The following STAG1 variants were observed in gnomAD, a reference collection of about 807,000 sequenced individuals.
STAG1 encodes the protein cohesin subunit SA-1.
Under a neutral mutation model 170.9 loss-of-function variants are expected in STAG1, and 26 were observed. The observed-to-expected ratio is 0.15, with a 90% CI of 0.11 to 0.21. The LOEUF is 0.21. Ranked by LOEUF, STAG1 falls within the 10% of genes least tolerant of loss-of-function variation. The probability of loss-of-function intolerance (pLI) is 1.00; values close to 1 mark genes in which losing one functional copy is unlikely to be tolerated. For missense variants in STAG1, 964 were observed against 1,509.5 expected (o/e 0.64, Z 5.99); for synonymous variants, 514 against 497.7 (o/e 1.03, Z -0.44).
intron 26 of STAG1, among the ~76,000 whole-genome samples, chr3:136,360,204 C>T (rs1203283837): frequency 6.6e-6 from 1 of 152,158 alleles, no homozygotes; most frequent in Non-Finnish European, 1.5e-5. Context: ...ACCTTTCCTC[C>T]TGTTATGAGG....
intron 4 of STAG1, among the ~76,000 whole-genome samples, chr3:136,598,497 G>C (rs1045959560): frequency 5.9e-5 from 9 of 151,532 alleles, no homozygotes; most frequent in Non-Finnish European, 1.2e-4. Context: ...CGCAATCTCG[G>C]CTCACTGCAA....
intron 1 of STAG1, among the ~76,000 whole-genome samples, chr3:136,657,189 C>CTTT (rs67826395): frequency 4.9e-3 from 454 of 92,196 alleles, no homozygotes; most frequent in Non-Finnish European, 6.3e-3. Flanking sequence ...TTCTTTCTTT[C>CTTT]TTTTTTTTTT....
At chr3:136,568,622 CAAT>C (rs1937162063) in intron 5 of STAG1, 140 bp downstream of exon 5, 6 of 676,694 alleles carry the variant, frequency 8.9e-6, no homozygotes, top group Non-Finnish European at 1.6e-5. Flanking sequence ...TATAACTTAC[CAAT>C]AATATTCTCT....
At chr3:136,624,595 T>C (rs1200604335) in intron 2 of STAG1, among the ~76,000 whole-genome samples, 1 of 152,264 alleles carries the variant, frequency 6.6e-6, no homozygotes, top group Non-Finnish European at 1.5e-5. Context: ...GGAAACATGC[T>C]TCCTCAATTT....
intron 5 of STAG1, among the ~76,000 whole-genome samples, chr3:136,550,221 A>C (rs182053935): frequency 6.6e-6 from 1 of 152,122 alleles, no homozygotes; most frequent in Admixed American, 6.5e-5. Flanking sequence ...AATTCTTTAA[A>C]TGTTTGGCGA....
chr3:136,397,626 ATTTC>A (rs778919379), intron 22 of STAG1, among the ~76,000 whole-genome samples: 10 of 152,030 alleles, frequency 6.6e-5, no homozygotes, highest in Non-Finnish European at 1.3e-4. Context: ...GAGTGCGTTT[ATTTC>A]TAGTTCACCC....
At chr3:136,608,863 G>T (rs1411859181) in intron 3 of STAG1, among the ~76,000 whole-genome samples, 1 of 149,816 alleles carries the variant, frequency 6.7e-6, no homozygotes, top group Non-Finnish European at 1.5e-5. Flanking sequence ...GAGTACCTTT[G>T]CTTCTAGGTT....
In STAG1 at chr3:136,540,822, CAAAAAAAAAAAAAA is replaced by C. The variant is rs554338920; in HGVS notation, c.471+1283_471+1296del. On this transcript the variant is annotated intron_variant, in intron 6 of 33. Transcript: ENST00000383202. The stretch of plus-strand genomic sequence containing the variant: ...GGGCGACAGAGTGAAACTGTGTCTC[CAAAAAAAAAAAAAA>C]AAAAAAAAAAAAAAAACCTATATAT... Among the ~76,000 whole-genome samples the C allele has an allele frequency of 3.0e-3, 139 of 46,318 alleles. 2 individuals are homozygous for C. The highest frequency in any genetic ancestry group is 0.042 in the Middle Eastern group (1 of 24). The allele number at this position is 46,318 out of a possible 152,430, so 30.4% of individuals were successfully genotyped here. A position where few individuals can be genotyped will look rare whatever the true frequency, so the allele number is the denominator to read the frequency against.
At chr3:136,648,693 C>T (rs373697394) in intron 1 of STAG1, among the ~76,000 whole-genome samples, 6 of 152,268 alleles carry the variant, frequency 3.9e-5, no homozygotes, top group African/African-American at 1.4e-4. Flanking sequence ...TCCCCTTCTA[C>T]CTACCCTTCT....
chr3:136,730,440 T>C (rs888070517), intron 1 of STAG1, among the ~76,000 whole-genome samples: 4 of 152,208 alleles, frequency 2.6e-5, no homozygotes, highest in African/African-American at 9.6e-5. Flanking sequence ...TCCAGCTATG[T>C]AACATTGGGA....
intron 29 of STAG1, among the ~76,000 whole-genome samples, chr3:136,346,620 A>G (rs1378706985): frequency 2.0e-5 from 3 of 152,212 alleles, no homozygotes; most frequent in Non-Finnish European, 4.4e-5. Flanking sequence ...TCTTTTGTGA[A>G]AAATTTAGAT....
intron 1 of STAG1, among the ~76,000 whole-genome samples, chr3:136,650,199 G>A (rs556388104): frequency 6.7e-6 from 1 of 149,526 alleles, no homozygotes; most frequent in East Asian, 2.0e-4. Context: ...TTGCGCAACT[G>A]TACTCCAGCC....
chr3:136,500,938 C>T (rs1933432145), intron 8 of STAG1, among the ~76,000 whole-genome samples: 1 of 152,212 alleles, frequency 6.6e-6, no homozygotes, highest in Admixed American at 6.5e-5. Context: ...CACTGAATTA[C>T]ATTCAAGGTG....
chr3:136,628,300 C>T (rs148486720), intron 2 of STAG1, among the ~76,000 whole-genome samples: 2,265 of 152,242 alleles, frequency 0.015, 27 homozygotes, highest in Non-Finnish European at 0.024. Flanking sequence ...TCATAAATTA[C>T]CCAGTTCCAG....
At chr3:136,604,258 C>A in intron 4 of STAG1, 51 bp downstream of exon 4, 1 of 1,524,096 alleles carries the variant, frequency 6.6e-7, no homozygotes, top group South Asian at 1.3e-5. Flanking sequence ...TGATTCCACC[C>A]AAGTTATTAA....
At chr3:136,660,189 A>G (rs1395200339) in intron 1 of STAG1, among the ~76,000 whole-genome samples, 1 of 152,232 alleles carries the variant, frequency 6.6e-6, no homozygotes, top group East Asian at 1.9e-4. Context: ...CATTGGCGAT[A>G]GATGTCTCTT....
chr3:136,634,164 T>C (rs1576694064), intron 1 of STAG1, among the ~76,000 whole-genome samples: 1 of 149,182 alleles, frequency 6.7e-6, no homozygotes, highest in East Asian at 2.0e-4. Context: ...TAAATAAACA[T>C]AAAAAAAATT....
intron 26 of STAG1, among the ~76,000 whole-genome samples, chr3:136,360,386 C>T (rs138304849): frequency 6.6e-6 from 1 of 152,278 alleles, no homozygotes; most frequent in African/African-American, 2.4e-5. Flanking sequence ...ATACTCTTAA[C>T]TTCTTGACCC....
intron 1 of STAG1, among the ~76,000 whole-genome samples, chr3:136,631,187 T>C (rs1322326046): frequency 1.3e-5 from 2 of 152,130 alleles, no homozygotes; most frequent in Admixed American, 6.5e-5. Flanking sequence ...ACTAAGTAAA[T>C]GAATAAATAA....
Sources: gnomAD v4.1 joint callset for allele counts (sites outside exome capture counted in the v4.1 genomes callset) on GRCh38, gnomAD v4.1.1 for gene constraint, MANE v1.5 for transcripts, NCBI Gene and HGNC (gene_info 2026-07-23, HGNC 2026-07-21) for gene names.